The following ATRNL1 variants were observed in gnomAD, a reference collection of about 807,000 sequenced individuals.
ATRNL1 encodes attractin like 1.
In ATRNL1, 95 loss-of-function variants were observed where a neutral mutation model predicts 182.7. The observed-to-expected ratio is 0.52, with a 90% CI of 0.44 to 0.62. ATRNL1 has a LOEUF of 0.62. Among genes scored for constraint, ATRNL1 ranks in the 20% least tolerant of loss-of-function variants. The probability of loss-of-function intolerance (pLI) is 0.00; values close to 1 mark genes in which losing one functional copy is unlikely to be tolerated. For missense variants in ATRNL1, 1,471 were observed against 1,679.5 expected (o/e 0.88, Z 2.17); for synonymous variants, 576 against 568.3 (o/e 1.01, Z -0.19).
intron 27 of ATRNL1, among the ~76,000 whole-genome samples, chr10:115,816,852 A>G (rs1950177245): frequency 6.6e-6 from 1 of 152,148 alleles, no homozygotes. Flanking sequence ...CCTCTGAAAT[A>G]TTTTAGCAAC....
chr10:115,402,291 T>C (rs1844603638), intron 20 of ATRNL1, among the ~76,000 whole-genome samples: 1 of 152,192 alleles, frequency 6.6e-6, no homozygotes, highest in South Asian at 2.1e-4. Context: ...TCTAAAATTA[T>C]ATGAGATTTT....
At chr10:115,228,345 G>A (rs1849781612) in intron 9 of ATRNL1, among the ~76,000 whole-genome samples, 1 of 152,074 alleles carries the variant, frequency 6.6e-6, no homozygotes. Flanking sequence ...TTCCTTTTAT[G>A]TTTTTGGTAT....
chr10:115,889,381 A>C (rs1475915677), intron 28 of ATRNL1, among the ~76,000 whole-genome samples: 4 of 135,226 alleles, frequency 3.0e-5, no homozygotes. Context: ...TCTGTCACCC[A>C]GGCTGGAGGG....
chr10:115,629,195 G>C (rs1858322200), intron 26 of ATRNL1, among the ~76,000 whole-genome samples: 1 of 152,154 alleles, frequency 6.6e-6, no homozygotes, highest in South Asian at 2.1e-4. Context: ...TGTAGGCACT[G>C]TGCTATGTAG....
chr10:115,444,972 C>G (rs886174566), intron 21 of ATRNL1, among the ~76,000 whole-genome samples: 1 of 151,558 alleles, frequency 6.6e-6, no homozygotes, highest in Non-Finnish European at 1.5e-5. Context: ...CTCAGGTGAT[C>G]TGCCCGCCTT....
chr10:115,806,554 T>C (rs889853139), intron 27 of ATRNL1, among the ~76,000 whole-genome samples: 3 of 152,138 alleles, frequency 2.0e-5, no homozygotes, highest in African/African-American at 7.2e-5. Flanking sequence ...TTTTTATAAT[T>C]CTATAAAGCT....
At chr10:115,445,589 T>A (rs1846938208) in intron 21 of ATRNL1, among the ~76,000 whole-genome samples, 2 of 150,820 alleles carry the variant, frequency 1.3e-5, no homozygotes, top group Non-Finnish European at 3.0e-5. Context: ...ATGTCTGTAA[T>A]TTTTTTTAAC....
chr10:115,527,599 C>T (rs1357603023), intron 25 of ATRNL1, among the ~76,000 whole-genome samples: 7 of 152,018 alleles, frequency 4.6e-5, no homozygotes, highest in African/African-American at 1.7e-4. Flanking sequence ...ATATTTGTGT[C>T]TATGGAGGTT....
chr10:115,302,088 A>G (rs782204869), intron 17 of ATRNL1, 45 bp downstream of exon 17: 3 of 1,469,420 alleles, frequency 2.0e-6, no homozygotes, highest in South Asian at 1.3e-5. Flanking sequence ...AGCAACGTAA[A>G]TTTACTTTTC....
At chr10:115,906,039 G>A (rs1460414247) in intron 28 of ATRNL1, among the ~76,000 whole-genome samples, 5 of 152,102 alleles carry the variant, frequency 3.3e-5, no homozygotes, top group African/African-American at 1.2e-4. Context: ...AATAAATCAA[G>A]CTCTGAGACT....
At chr10:115,528,453 C>T (rs1291545330) in intron 25 of ATRNL1, among the ~76,000 whole-genome samples, 2 of 151,952 alleles carry the variant, frequency 1.3e-5, no homozygotes, top group African/African-American at 4.8e-5. Context: ...TTTATTTCTG[C>T]AGAATTGGCA....
In ATRNL1 at chr10:115,738,126, A is replaced by ATTTTTTTTTTTT. The variant is rs10546896; in HGVS notation, c.3903+10790_3903+10801dup. On this transcript the variant is annotated intron_variant, in intron 27 of 28. Transcript: ENST00000355044. ...ATAAAAAATGATTTAGAAGATAATG[A>ATTTTTTTTTTTT]TTTTTTTTTTTTTTTTTTTTTTTTT... is the stretch of plus-strand genomic sequence containing the variant. Among the ~76,000 whole-genome samples, 94 of 47,106 alleles carry ATTTTTTTTTTTT rather than the reference A, an allele frequency of 2.0e-3. 15 individuals carry two copies. The highest frequency in any genetic ancestry group is 5.4e-3 in the African/African-American group (82 of 15,222). The allele number at this position is 47,106 out of a possible 152,430, so 30.9% of individuals were successfully genotyped here. A position where few individuals can be genotyped will look rare whatever the true frequency, so the allele number is the denominator to read the frequency against.
At chr10:115,321,627 G>C (rs1854588509) in intron 18 of ATRNL1, among the ~76,000 whole-genome samples, 2 of 145,006 alleles carry the variant, frequency 1.4e-5, no homozygotes, top group African/African-American at 2.5e-5. Context: ...GTTTTTGCTT[G>C]TCTGAACATA....
In ATRNL1 at chr10:115,666,062, T is replaced by C. The variant is rs574302752; in HGVS notation, c.3796-61186T>C. The stretch of plus-strand genomic sequence containing the variant: ...GATAAATATAAATAAAGGTTAGATG[T>C]TCTAAGACATAGTTAAATTCAAAGG... On this transcript the variant is annotated intron_variant, in intron 26 of 28. Coordinates refer to ENST00000355044, the MANE Select transcript of ATRNL1 (RefSeq NM_207303.4). Among the ~76,000 whole-genome samples, 6 of 152,248 alleles carry C rather than the reference T, an allele frequency of 3.9e-5. No individual in the cohort carries two copies. In the South Asian group the frequency reaches 1.2e-3, roughly 32 times the overall value.
intron 26 of ATRNL1, among the ~76,000 whole-genome samples, chr10:115,706,165 G>A (rs1555052992): frequency 6.6e-6 from 1 of 151,804 alleles, no homozygotes; most frequent in Non-Finnish European, 1.5e-5. Context: ...CCTGCTAGAG[G>A]CTGTAGGGGA....
intron 14 of ATRNL1, among the ~76,000 whole-genome samples, chr10:115,281,870 A>T (rs1169583816): frequency 4.7e-5 from 7 of 149,770 alleles, no homozygotes; most frequent in African/African-American, 1.5e-4. Context: ...ATTATACATT[A>T]TAACATTTAT....
intron 26 of ATRNL1, among the ~76,000 whole-genome samples, chr10:115,644,360 G>T (rs1482893051): frequency 6.6e-6 from 1 of 152,136 alleles, no homozygotes; most frequent in Admixed American, 6.6e-5. Context: ...TACGCACAGT[G>T]TGTACCAAAC....
chr10:115,682,737 G>C (rs936677991), intron 26 of ATRNL1, among the ~76,000 whole-genome samples: 1 of 152,020 alleles, frequency 6.6e-6, no homozygotes, highest in African/African-American at 2.4e-5. Flanking sequence ...TTATGCTCTT[G>C]TGCTCCCACC....
At chr10:115,307,854 G>A (rs919756271) in intron 17 of ATRNL1, among the ~76,000 whole-genome samples, 1 of 152,120 alleles carries the variant, frequency 6.6e-6, no homozygotes, top group Non-Finnish European at 1.5e-5. Flanking sequence ...ATAGGTGTCA[G>A]CTTCTTGGCA....
Sources: allele counts gnomAD v4.1 joint callset (sites outside exome capture counted in the v4.1 genomes callset), GRCh38; gene constraint gnomAD v4.1.1; transcripts MANE v1.5; gene names NCBI Gene and HGNC (gene_info 2026-07-23, HGNC 2026-07-21).